Variants in UBR1 observed in about 807,000 individuals in gnomAD.
UBR1 encodes the protein E3 ubiquitin-protein ligase UBR1.
UBR1 carries 102 observed loss-of-function variants against 242.1 expected under a neutral mutation model. The ratio of observed to expected loss-of-function variants is 0.42; its 90% CI spans 0.36 to 0.50. UBR1 has a LOEUF of 0.50. UBR1 is among the 20% of genes least tolerant of loss of function. UBR1 has a pLI of 0.01. For synonymous variants in UBR1, 675 were observed against 684.8 expected (o/e 0.99, Z 0.22); for missense variants, 1,772 against 2,101.8 (o/e 0.84, Z 3.07).
intron 19 of UBR1, among the ~76,000 whole-genome samples, chr15:43,034,530 T>C (rs1164640515): frequency 1.3e-5 from 2 of 152,102 alleles, no homozygotes; most frequent in Admixed American, 6.5e-5. Flanking sequence ...TAGATGTACA[T>C]ACTGAAAGAG....
intron 42 of UBR1, among the ~76,000 whole-genome samples, chr15:42,963,428 T>C (rs952041167): frequency 6.6e-6 from 1 of 152,162 alleles, no homozygotes; most frequent in African/African-American, 2.4e-5. Context: ...GCATTGACAG[T>C]GCACAAGAGG....
rs898675742 is a variant in UBR1, at chr15:42,973,880, T to C, written c.4369+2837A>G. Among the ~76,000 whole-genome samples, 12 of 150,438 alleles carry C rather than the reference T, an allele frequency of 8.0e-5. No homozygotes were observed. In the East Asian group the frequency reaches 1.8e-3, roughly 22 times the overall value. On this transcript the variant is annotated intron_variant, in intron 39 of 46. Transcript: ENST00000290650. ...CATCTAGGTTTTCTATGTTAACTTG[T>C]AGGAGTTTTTTTTTTTTTTTTTTTT...
intron 44 of UBR1, among the ~76,000 whole-genome samples, chr15:42,956,139 C>T (rs979465823): frequency 1.3e-5 from 2 of 152,128 alleles, no homozygotes; most frequent in African/African-American, 4.8e-5. Flanking sequence ...AGTCACGATG[C>T]TATTACCTGT....
intron 6 of UBR1, among the ~76,000 whole-genome samples, chr15:43,064,577 C>CTTTT (rs35224418): frequency 1.4e-5 from 2 of 138,852 alleles, no homozygotes; most frequent in African/African-American, 2.6e-5. Context: ...TATCTTACAT[C>CTTTT]TTTTTTTTTT....
intron 2 of UBR1, among the ~76,000 whole-genome samples, chr15:43,084,473 T>C (rs749975884): frequency 2.6e-5 from 4 of 152,232 alleles, no homozygotes; most frequent in Non-Finnish European, 5.9e-5. Context: ...TCGTTTGTTT[T>C]TGAGATGGAG....
At chr15:42,951,509 C>T (rs1430770304) in intron 45 of UBR1, among the ~76,000 whole-genome samples, 1 of 152,134 alleles carries the variant, frequency 6.6e-6, no homozygotes, top group African/African-American at 2.4e-5. Context: ...AGGCGAGAGC[C>T]ACCGCGCCCG....
At chr15:42,967,224 T>TTG (rs911085506) in intron 40 of UBR1, among the ~76,000 whole-genome samples, 11 of 148,000 alleles carry the variant, frequency 7.4e-5, no homozygotes, top group Non-Finnish European at 1.0e-4. Flanking sequence ...AACTAGTTTT[T>TTG]TTTTTTTTTT....
At chr15:43,047,752 AT>A (rs1016143566) in intron 13 of UBR1, among the ~76,000 whole-genome samples, 12 of 152,370 alleles carry the variant, frequency 7.9e-5, no homozygotes, top group African/African-American at 2.9e-4. Context: ...AGCCAAAAAA[AT>A]ATGTGTTGTG....
At position 43,004,542 on chromosome 15, in the gene UBR1, C is replaced by G. The variant is rs532355906; in HGVS notation, c.3416-612G>C. Among the ~76,000 whole-genome samples, 23 of 152,360 alleles carry G rather than the reference C, an allele frequency of 1.5e-4. 1 individual carries two copies. In the South Asian group the frequency reaches 2.1e-3, roughly 14 times the overall value. ...TGCAGGCACACGCCGCCACGCCTGA[C>G]TGGTTTTTGCATTTTTTTGGTGGAG... On this transcript the variant is annotated intron_variant, in intron 30 of 46. Transcript: ENST00000290650.
intron 19 of UBR1, among the ~76,000 whole-genome samples, chr15:43,034,460 T>A: frequency 6.6e-6 from 1 of 151,530 alleles, no homozygotes; most frequent in East Asian, 1.9e-4. Flanking sequence ...AATAAATAAA[T>A]AAAATAAAAT....
At chr15:43,025,279 GC>G in intron 24 of UBR1, 101 bp downstream of exon 24, 2 of 1,139,374 alleles carry the variant, frequency 1.8e-6, no homozygotes, top group Non-Finnish European at 1.3e-6. Context: ...TCCTTGAGTT[GC>G]CCACTCTCAA....
At chr15:43,000,695 T>A (rs1049147465) in intron 32 of UBR1, among the ~76,000 whole-genome samples, 3 of 152,238 alleles carry the variant, frequency 2.0e-5, no homozygotes, top group African/African-American at 7.2e-5. Flanking sequence ...ATGCAGCATT[T>A]GCTTGGTAAA....
At chr15:43,009,831 T>C (rs1327584596) in intron 29 of UBR1, among the ~76,000 whole-genome samples, 2 of 152,206 alleles carry the variant, frequency 1.3e-5, no homozygotes, top group East Asian at 1.9e-4. Context: ...TTAATCATCA[T>C]ATATAGATGA....
intron 40 of UBR1, among the ~76,000 whole-genome samples, chr15:42,968,427 G>T (rs963822418): frequency 4.8e-5 from 7 of 145,766 alleles, no homozygotes; most frequent in African/African-American, 1.3e-4. Flanking sequence ...GTCTTGTAAT[G>T]TTGCCCAGGG....
At chr15:43,080,604 T>C (rs540473827) in intron 3 of UBR1, among the ~76,000 whole-genome samples, 3 of 152,212 alleles carry the variant, frequency 2.0e-5, no homozygotes, top group Admixed American at 6.5e-5. Context: ...TCCATTCACC[T>C]ACTGAAGGAC....
intron 1 of UBR1, among the ~76,000 whole-genome samples, chr15:43,092,613 G>T (rs886101021): frequency 9.2e-5 from 14 of 152,092 alleles, no homozygotes; most frequent in African/African-American, 3.4e-4. Context: ...GAATGCAGTG[G>T]CACGATCTCG....
chr15:42,980,579 CCTAT>C lies in UBR1; in HGVS notation c.4151-2636_4151-2633del, dbSNP rs555859695. Among the ~76,000 whole-genome samples, 205 of 151,672 alleles carry C rather than the reference CCTAT, an allele frequency of 1.4e-3. No individual in the cohort carries two copies. In the Middle Eastern group the frequency reaches 0.021, roughly 15 times the overall value. On this transcript the variant is annotated intron_variant, in intron 37 of 46. Transcript: ENST00000290650. ...GCACATGGCAGTGAGCATTGTATGTCCTATCTATCTATCCATCCATCCATCCATC... is the reference window on the plus strand; with the variant it reads ...GCACATGGCAGTGAGCATTGTATGTCCTATCTATCCATCCATCCATCCATC...
chr15:42,943,357 A>G lies in UBR1; in HGVS notation c.*1972T>C, dbSNP rs953724298. On this transcript the variant is annotated 3_prime_UTR_variant, in exon 47 of 47. Transcript: ENST00000290650. ...ATAAGCATAATTGTTTGCAATGATT[A>G]AGGTAAATCACTAGGACATTTGAAC... 3.3e-5 allele frequency: 5 copies of G among 152,618 alleles called. No homozygotes were observed. The highest frequency in any genetic ancestry group is 1.2e-4 in the African/African-American group (5 of 41,456). 9.5% of individuals were successfully genotyped at this position (152,618 alleles called of 1,614,324 possible). A position where few individuals can be genotyped will look rare whatever the true frequency, so the allele number is the denominator to read the frequency against.
At chr15:43,034,888 CAAAAAAAAAA>C (rs201319494) in intron 19 of UBR1, among the ~76,000 whole-genome samples, 9 of 91,706 alleles carry the variant, frequency 9.8e-5, no homozygotes, top group African/African-American at 2.9e-4. Context: ...ACGCCATCTC[CAAAAAAAAAA>C]AAAAAAAGAA....
Sources: gnomAD v4.1 joint callset for allele counts (sites outside exome capture counted in the v4.1 genomes callset) on GRCh38, gnomAD v4.1.1 for gene constraint, MANE v1.5 for transcripts, NCBI Gene and HGNC (gene_info 2026-07-23, HGNC 2026-07-21) for gene names.